TBCD: variants seen among roughly 807,000 people sequenced by gnomAD.
The protein encoded by TBCD is tubulin-specific chaperone D.
In TBCD, 105 loss-of-function variants were observed where a neutral mutation model predicts 169.3. The observed-to-expected ratio is 0.62, with a 90% CI of 0.53 to 0.73. TBCD has a LOEUF of 0.73. TBCD is among the 30% of genes least tolerant of loss of function. The probability of loss-of-function intolerance (pLI) is 0.00; values close to 1 mark genes in which losing one functional copy is unlikely to be tolerated. For synonymous variants in TBCD, 700 were observed against 643.9 expected, an observed-to-expected ratio of 1.09 and a Z score of -1.32; for missense variants, 1,444 against 1,600.1, an observed-to-expected ratio of 0.90 and a Z score of 1.66.
At chr17:82,773,789 C>T (rs1457665359) in intron 6 of TBCD, among the ~76,000 whole-genome samples, 8 of 151,772 alleles carry the variant, frequency 5.3e-5, no homozygotes, top group Admixed American at 3.3e-4. Flanking sequence ...TGCAGTGGCA[C>T]GATCTCGGCT....
chr17:82,770,947 G>A (rs2048276490), intron 5 of TBCD, among the ~76,000 whole-genome samples: 1 of 151,430 alleles, frequency 6.6e-6, no homozygotes, highest in African/African-American at 2.4e-5. Flanking sequence ...TACTTGGGAG[G>A]CTGAGGCAGA....
intron 17 of TBCD, chr17:82,895,721 C>T (rs935010193): frequency 2.6e-5 from 4 of 152,166 alleles, no homozygotes; most frequent in East Asian, 1.9e-4. Context: ...CAGCTGAGGG[C>T]GACAGTGTCG....
At position 82,940,221 on chromosome 17, in the gene TBCD, G is replaced by GCGCACACACACACACACA. The variant is rs1356825330; in HGVS notation, c.3479+746_3479+747insGCACACACACACACACAC. Among the ~76,000 whole-genome samples, 298 of 131,804 alleles carry GCGCACACACACACACACA rather than the reference G, an allele frequency of 2.3e-3. 11 individuals carry two copies. In the East Asian group the frequency reaches 0.038, roughly 17 times the overall value. 86.5% of individuals were successfully genotyped at this position (131,804 alleles called of 152,430 possible). On this transcript the variant is annotated intron_variant, in intron 37 of 38. Transcript: ENST00000355528. Reference sequence around the variant, plus strand: ...CACACACATGCTCACTTGCACGCGCGCACACACACACACACACACACACAC... The same window carrying GCGCACACACACACACACA: ...CACACACATGCTCACTTGCACGCGCGCGCACACACACACACACACACACACACACACACACACACACAC...
rs1039453118 is a variant in TBCD, at chr17:82,889,372, C to CT, written c.1534-295dup. ...TGATTTAACCTGCCTGTCTGTCTCT[C>CT]TGAGTTGACAGCCGGGGCCTCCGCG... On this transcript the variant is annotated intron_variant, in intron 15 of 38. Transcript: ENST00000355528. This position sits in a 1 kb window ranked among gnomAD's most constrained non-coding sequence, Gnocchi z 5.3. Among the ~76,000 whole-genome samples the CT allele has an allele frequency of 2.6e-5, 4 of 152,144 alleles. No homozygotes were observed. Among genetic ancestry groups the CT allele is most frequent in the African/African-American group, 9.7e-5 (4 of 41,440 alleles).
chr17:82,781,107 G>A (rs1158885771), intron 6 of TBCD, among the ~76,000 whole-genome samples: 4 of 152,058 alleles, frequency 2.6e-5, no homozygotes, highest in African/African-American at 9.7e-5. Context: ...GTGGAAACAG[G>A]CCTGTGCACA....
At chr17:82,811,117 C>G (rs2051405005) in intron 12 of TBCD, among the ~76,000 whole-genome samples, 1 of 152,200 alleles carries the variant, frequency 6.6e-6, no homozygotes, top group African/African-American at 2.4e-5. Context: ...GACCTCCAGC[C>G]TTGTTTCAGG....
chr17:82,926,279 TG>T, intron 27 of TBCD, 120 bp from the exon 28 acceptor site: 1 of 883,968 alleles, frequency 1.1e-6, no homozygotes, highest in Non-Finnish European at 1.8e-6. Flanking sequence ...AGGAAGGTGG[TG>T]CCAGGAGCTG....
chr17:82,889,819 C>T lies in TBCD; in HGVS notation c.1563+122C>T, dbSNP rs1212942098. ...GAGATGTGGTGTGGCTACATCAATG[C>T]CAGGGTCATGAGTTCACTATAGGAC... On this transcript the variant is annotated intron_variant, in intron 16 of 38. Transcript: ENST00000355528. This position sits in a 1 kb window ranked among gnomAD's most constrained non-coding sequence, Gnocchi z 5.3. The T allele has an allele frequency of 2.6e-4, 297 of 1,159,172 alleles. 1 individual carries two copies. The highest frequency in any genetic ancestry group is 2.7e-5 in the Non-Finnish European group (22 of 810,078). The allele number at this position is 1,159,172 out of a possible 1,614,324, so 71.8% of individuals were successfully genotyped here.
At chr17:82,768,982 G>A (rs2048166730) in intron 5 of TBCD, among the ~76,000 whole-genome samples, 1 of 152,178 alleles carries the variant, frequency 6.6e-6, no homozygotes, top group Admixed American at 6.5e-5. Context: ...GAGATAAGTT[G>A]TTTATTTTCT....
At chr17:82,857,654 G>A (rs955465972) in intron 13 of TBCD, among the ~76,000 whole-genome samples, 2 of 151,710 alleles carry the variant, frequency 1.3e-5, no homozygotes, top group African/African-American at 4.8e-5. Context: ...ATTGTTGAAT[G>A]ACAGGAAAGT....
rs186037584 is a variant in TBCD, at chr17:82,937,860, C to T, written c.3282-189C>T. 1.3e-4 allele frequency: 201 copies of T among 1,502,900 alleles called. No individual in the cohort carries two copies. The African/African-American group carries it at 2.3e-3, about 17-fold the overall frequency. The allele number at this position is 1,502,900 out of a possible 1,614,324, so 93.1% of individuals were successfully genotyped here. A position where few individuals can be genotyped will look rare whatever the true frequency, so the allele number is the denominator to read the frequency against. ...ACTTCCCACAGTGACTTTCCAAGTGCGACACTCGTGTGTGTAGGCACAGTG... is the reference window on the plus strand; with the variant it reads ...ACTTCCCACAGTGACTTTCCAAGTGTGACACTCGTGTGTGTAGGCACAGTG... On this transcript the variant is annotated intron_variant, in intron 35 of 38. Coordinates refer to ENST00000355528, the MANE Select transcript of TBCD (RefSeq NM_005993.5).
At position 82,832,684 on chromosome 17, in the gene TBCD, G is replaced by T; in HGVS notation, c.1318+17750G>T. The T allele has an allele frequency of 1.7e-6, 1 of 579,408 alleles. No individual in the cohort carries two copies. The highest frequency in any genetic ancestry group is 2.9e-5 in the East Asian group (1 of 34,122). 35.9% of individuals were successfully genotyped at this position (579,408 alleles called of 1,614,324 possible). ...TGTCAGGACAGCGAGTGAGGGGTCG[G>T]CGAGAAGCCGGCCTCGGCTCGCCAC... On this transcript the variant is annotated intron_variant, in intron 13 of 38. Transcript: ENST00000355528. This position sits in a 1 kb window ranked among gnomAD's most constrained non-coding sequence, Gnocchi z 4.9.
chr17:82,821,793 G>A (rs980295088), intron 13 of TBCD, among the ~76,000 whole-genome samples: 3 of 152,156 alleles, frequency 2.0e-5, no homozygotes, highest in African/African-American at 7.2e-5. Context: ...CTGTGAACCT[G>A]CATCAGGTAG....
At chr17:82,767,320 T>C (rs1456538449) in intron 4 of TBCD, among the ~76,000 whole-genome samples, 1 of 152,214 alleles carries the variant, frequency 6.6e-6, no homozygotes, top group Non-Finnish European at 1.5e-5. Context: ...CGTGCCCTTC[T>C]TTCCCTAGTA....
At chr17:82,849,573 GAAGT>G (rs1334499012) in intron 13 of TBCD, among the ~76,000 whole-genome samples, 37 of 152,322 alleles carry the variant, frequency 2.4e-4, no homozygotes, top group African/African-American at 8.2e-4. Flanking sequence ...CTGAAAGTAG[GAAGT>G]AAAGTAAGAA....
chr17:82,808,141 A>C (rs1176433577), intron 11 of TBCD, among the ~76,000 whole-genome samples: 1 of 152,168 alleles, frequency 6.6e-6, no homozygotes, highest in African/African-American at 2.4e-5. Context: ...GTCGTGGGGC[A>C]GATCCAGTGG....
At chr17:82,774,969 T>A (rs1199577717) in intron 6 of TBCD, among the ~76,000 whole-genome samples, 7 of 152,220 alleles carry the variant, frequency 4.6e-5, no homozygotes, top group Non-Finnish European at 8.8e-5. Context: ...CTGCTTTTAT[T>A]CTTACTTTTC....
At chr17:82,921,907 G>C (rs573375066) in intron 25 of TBCD, among the ~76,000 whole-genome samples, 54 of 152,296 alleles carry the variant, frequency 3.5e-4, no homozygotes, top group African/African-American at 1.3e-3. Context: ...CTGAGGTTTG[G>C]AAACTCCCTT....
At chr17:82,931,943 TTTA>T (rs2062246843) in intron 33 of TBCD, 2 of 152,840 alleles carry the variant, frequency 1.3e-5, no homozygotes, top group South Asian at 4.1e-4. Flanking sequence ...GCGTTGCTGT[TTTA>T]TATTCTCTTT....
Sources: gnomAD v4.1 joint callset for allele counts (sites outside exome capture counted in the v4.1 genomes callset) on GRCh38, gnomAD v4.1.1 for gene constraint, Gnocchi (gnomAD v3.1) non-coding constraint, MANE v1.5 for transcripts, NCBI Gene and HGNC (gene_info 2026-07-23, HGNC 2026-07-21) for gene names.